KIAA1217: variants seen among roughly 807,000 people sequenced by gnomAD.
KIAA1217 encodes sickle tail protein homolog.
Under a neutral mutation model 163.9 loss-of-function variants are expected in KIAA1217, and 88 were observed. That is an observed-to-expected ratio of 0.54 (90% CI 0.45 to 0.64). KIAA1217 has a LOEUF of 0.64. KIAA1217 is among the 30% of genes least tolerant of loss of function. The pLI, the probability that KIAA1217 is intolerant of heterozygous loss-of-function variation, is 0.00. For missense variants in KIAA1217, 2,372 were observed against 2,475.0 expected (o/e 0.96, Z 0.88); for synonymous variants, 903 against 923.1 (o/e 0.98, Z 0.39).
chr10:24,451,732 C>A (rs988604824), intron 5 of KIAA1217, among the ~76,000 whole-genome samples: 11 of 152,228 alleles, frequency 7.2e-5, no homozygotes, highest in Admixed American at 3.9e-4. Context: ...TTTGCCACAT[C>A]CCTCTGCCCT....
At chr10:24,136,111 G>A (rs1564741676) in intron 2 of KIAA1217, among the ~76,000 whole-genome samples, 1 of 152,178 alleles carries the variant, frequency 6.6e-6, no homozygotes, top group Non-Finnish European at 1.5e-5. Context: ...CCCACTCTAA[G>A]GAGGAGATAA....
At chr10:24,148,580 C>G (rs962313481) in intron 2 of KIAA1217, among the ~76,000 whole-genome samples, 1 of 152,086 alleles carries the variant, frequency 6.6e-6, no homozygotes, top group Non-Finnish European at 1.5e-5. Context: ...TTTAAGGGAG[C>G]TTGACACTGC....
intron 1 of KIAA1217, among the ~76,000 whole-genome samples, chr10:23,824,021 C>A (rs1484136432): frequency 6.6e-6 from 1 of 152,038 alleles, no homozygotes; most frequent in African/African-American, 2.4e-5. Context: ...CCTGTAATCC[C>A]AGCACTTTGG....
chr10:24,198,605 T>G (rs1163568740), intron 2 of KIAA1217, among the ~76,000 whole-genome samples: 1 of 150,790 alleles, frequency 6.6e-6, no homozygotes, highest in African/African-American at 2.4e-5. Context: ...AAAAAAGCAT[T>G]TACTCAGGAT....
chr10:24,160,225 C>A (rs927027498), intron 2 of KIAA1217, among the ~76,000 whole-genome samples: 1 of 151,980 alleles, frequency 6.6e-6, no homozygotes, highest in Admixed American at 6.6e-5. Context: ...ATTTTGATAT[C>A]ATTTAAAAAG....
At position 23,695,889 on chromosome 10, in the gene KIAA1217, G is replaced by A. The variant is rs1212620763; in HGVS notation, c.-321+655G>A. ...CTTTGGAAGCTGGTCATTAATTCTT[G>A]TCATCGGGAGGTTTCGCGGAGGGCG... On this transcript the variant is annotated intron_variant, in intron 1 of 18. Coordinates refer to the KIAA1217 transcript ENST00000376462. This position sits in a 1 kb window ranked among gnomAD's most constrained non-coding sequence, Gnocchi z 4.9. 1.3e-5 allele frequency among the ~76,000 whole-genome samples: 2 copies of A among 152,162 alleles called. No individual in the cohort carries two copies. Among genetic ancestry groups the A allele is most frequent in the African/African-American group, 2.4e-5 (1 of 41,454 alleles).
At chr10:23,899,276 T>C (rs1230656547) in intron 1 of KIAA1217, among the ~76,000 whole-genome samples, 1 of 152,126 alleles carries the variant, frequency 6.6e-6, no homozygotes, top group African/African-American at 2.4e-5. Flanking sequence ...TTTATACTGA[T>C]CTATATTCCT....
Position 24,543,087 on chromosome 10 carries a change from A to C in KIAA1217, c.3817A>C (p.Ile1273Leu), listed in dbSNP as rs1281940247. ...TAAGGCCAGTTTCGGTTTCTCTGGCATTAGTCCATTAGAAGATGAAATAAA... is the reference window on the plus strand; with the variant it reads ...TAAGGCCAGTTTCGGTTTCTCTGGCCTTAGTCCATTAGAAGATGAAATAAA... Reference protein sequence around the residue: ...VPKASFGFSGISPLEDEINKG... With the variant: ...VPKASFGFSGLSPLEDEINKG... Residue 1273 changes from isoleucine to leucine, a missense_variant, in exon 19 of 21, where the codon ATT (isoleucine) becomes CTT (leucine). Physicochemically the swap from Ile to Leu is conservative, Grantham distance 5. Coordinates refer to ENST00000376454, the MANE Select transcript of KIAA1217 (RefSeq NM_019590.5). The C allele has an allele frequency of 1.2e-6, 2 of 1,613,788 alleles. No individual in the cohort carries two copies.
At chr10:23,760,871 GTT>G (rs1347810217) in intron 1 of KIAA1217, among the ~76,000 whole-genome samples, 2 of 152,160 alleles carry the variant, frequency 1.3e-5, no homozygotes, top group African/African-American at 4.8e-5. Flanking sequence ...AGTTCAGACA[GTT>G]TAACAAGTAT....
chr10:23,937,445 AC>A (rs1318290617), intron 1 of KIAA1217, among the ~76,000 whole-genome samples: 1 of 152,144 alleles, frequency 6.6e-6, no homozygotes, highest in East Asian at 1.9e-4. Flanking sequence ...CCCATCTTTT[AC>A]TTGTCTTCCT....
At chr10:23,696,680 T>C (rs1236275392) in intron 1 of KIAA1217, among the ~76,000 whole-genome samples, 1 of 152,192 alleles carries the variant, frequency 6.6e-6, no homozygotes, top group South Asian at 2.1e-4. Context: ...AAGGTGAAGA[T>C]GCTTGCTCTA....
chr10:23,771,002 C>T (rs958965530), intron 1 of KIAA1217, among the ~76,000 whole-genome samples: 3 of 152,164 alleles, frequency 2.0e-5, no homozygotes, highest in African/African-American at 7.2e-5. Context: ...CCCTTTTCTC[C>T]TTTCATCACC....
intron 2 of KIAA1217, among the ~76,000 whole-genome samples, chr10:24,227,414 C>T (rs938172946): frequency 1.3e-5 from 2 of 152,102 alleles, no homozygotes; most frequent in Admixed American, 1.3e-4. Context: ...CTGCCTCGGC[C>T]TCCCAAAGTG....
chr10:23,798,982 A>C (rs1248792526), intron 1 of KIAA1217, among the ~76,000 whole-genome samples: 1 of 152,232 alleles, frequency 6.6e-6, no homozygotes, highest in Non-Finnish European at 1.5e-5. Flanking sequence ...TTGAGATGTC[A>C]GCAGGGCCGG....
chr10:24,501,630 G>C (rs1028533325), intron 9 of KIAA1217, 85 bp downstream of exon 9: 46 of 1,213,234 alleles, frequency 3.8e-5, no homozygotes, highest in Non-Finnish European at 5.7e-6. Flanking sequence ...TGAAGACCTA[G>C]AGAATGTAGA....
At chr10:24,495,012 G>T in intron 7 of KIAA1217, 135 bp from the exon 8 acceptor site, 1 of 707,722 alleles carries the variant, frequency 1.4e-6, no homozygotes, top group Non-Finnish European at 2.3e-6. Context: ...CAATTGTGAT[G>T]CTGATGCTAA....
chr10:24,200,047 C>T lies in KIAA1217; in HGVS notation c.-170-19579C>T, dbSNP rs189091436. Among the ~76,000 whole-genome samples the T allele has an allele frequency of 3.8e-3, 584 of 152,098 alleles. 14 individuals carry two copies. Among genetic ancestry groups the T allele is most frequent in the Admixed American group, 0.031 (479 of 15,278 alleles). On this transcript the variant is annotated intron_variant, in intron 2 of 18. Coordinates refer to the KIAA1217 transcript ENST00000376462. The stretch of plus-strand genomic sequence containing the variant: ...CCCACAGTACACTGTCCTTCCCCCC[C>T]ATGCACCCCTGCCCAGGCTTCAATG...
chr10:24,501,726 CTTCTTTTTTTTTT>C (rs2067616508), intron 9 of KIAA1217, among the ~76,000 whole-genome samples, 181 bp downstream of exon 9: 3 of 111,580 alleles, frequency 2.7e-5, no homozygotes, highest in South Asian at 3.4e-4. Context: ...TCTATAACCA[CTTCTTTTTTTTTT>C]TTTTTTTTTT....
At chr10:23,816,375 C>T (rs979271479) in intron 1 of KIAA1217, among the ~76,000 whole-genome samples, 4 of 152,116 alleles carry the variant, frequency 2.6e-5, no homozygotes, top group African/African-American at 7.2e-5. Flanking sequence ...TCACTGCAAC[C>T]TCCACCTCCT....
Sources: allele counts gnomAD v4.1 joint callset (sites outside exome capture counted in the v4.1 genomes callset), GRCh38; gene constraint gnomAD v4.1.1; non-coding constraint Gnocchi (gnomAD v3.1); transcripts MANE v1.5; gene names NCBI Gene and HGNC (gene_info 2026-07-23, HGNC 2026-07-21).